The following GRB7 variants were observed in gnomAD, a reference collection of about 807,000 sequenced individuals.
The protein encoded by GRB7 is growth factor receptor bound protein 7, also known as growth factor receptor-bound protein 7.
In GRB7, 47 loss-of-function variants were observed where a neutral mutation model predicts 64.1. That is an observed-to-expected ratio of 0.73 (90% CI 0.58 to 0.94). The LOEUF is 0.94. Ranked by LOEUF, GRB7 falls within the 40% of genes least tolerant of loss-of-function variation. The pLI is 0.00. For missense variants in GRB7, 634 were observed against 718.4 expected (o/e 0.88, Z 1.34); for synonymous variants, 277 against 279.9 (o/e 0.99, Z 0.10).
intron 1 of GRB7, chr17:39,738,744 T>C: frequency 5.2e-6 from 3 of 582,482 alleles, no homozygotes; most frequent in Non-Finnish European, 8.5e-6. Context: ...AGTTTGGGTT[T>C]CCCCAAGTCT....
chr17:39,744,728 C>CT, intron 8 of GRB7, 65 bp downstream of exon 8: 1 of 1,427,572 alleles, frequency 7.0e-7, no homozygotes, highest in Non-Finnish European at 9.7e-7. Context: ...CCCCTGGATC[C>CT]TGCCCGGGGC....
chr17:39,744,314 G>A (rs2060024368), intron 7 of GRB7, 107 bp downstream of exon 7: 1 of 1,351,624 alleles, frequency 7.4e-7, no homozygotes. Flanking sequence ...GGGCCCCCCA[G>A]GCCAGCCACC....
intron 7 of GRB7, 50 bp from the exon 8 acceptor site, chr17:39,744,503 T>G (rs199688095): frequency 2.1e-6 from 3 of 1,445,824 alleles, no homozygotes; most frequent in Middle Eastern, 1.7e-4. Context: ...GGGGAGGTAA[T>G]AGTGGGCGGG....
intron 1 of GRB7, chr17:39,740,081 C>T (rs2059982147): frequency 7.1e-6 from 7 of 985,598 alleles, no homozygotes; most frequent in Non-Finnish European, 8.4e-6. Context: ...CTCTGCTCCT[C>T]TCCCCACCCC....
At chr17:39,746,311 C>G in intron 14 of GRB7, 109 bp downstream of exon 14, 1 of 852,630 alleles carries the variant, frequency 1.2e-6, no homozygotes, top group East Asian at 2.5e-5. Flanking sequence ...GTGCGTCTCC[C>G]TTTTCCCTGC....
intron 6 of GRB7, 120 bp from the exon 7 acceptor site, chr17:39,743,950 G>A (rs2060019836): frequency 7.7e-7 from 1 of 1,293,956 alleles, no homozygotes; most frequent in Non-Finnish European, 1.1e-6. Context: ...CTGTGATCGT[G>A]CCACCGCACT....
At chr17:39,745,819 G>A in intron 12 of GRB7, 31 bp downstream of exon 12, 1 of 1,613,726 alleles carries the variant, frequency 6.2e-7, no homozygotes, top group African/African-American at 1.3e-5. Flanking sequence ...CTGGGGCGGG[G>A]GCTGCCTCAA....
At position 39,738,931 on chromosome 17, in the gene GRB7, C is replaced by G. The variant is rs193171423; in HGVS notation, c.-51+798C>G. 2.0e-6 allele frequency: 3 copies of G among 1,529,496 alleles called. No individual in the cohort carries two copies. The African/African-American group carries it at 4.1e-5, about 21-fold the overall frequency. The allele number at this position is 1,529,496 out of a possible 1,614,324, so 94.7% of individuals were successfully genotyped here. A position where few individuals can be genotyped will look rare whatever the true frequency, so the allele number is the denominator to read the frequency against. ...ATGGGAAAGTGGAGGCCGGGTGAGA[C>G]GGGGTCCCTCCTGGCTTCAGCATGA... On this transcript the variant is annotated intron_variant, in intron 1 of 14. Transcript: ENST00000309156.
In GRB7 at chr17:39,744,177, C is replaced by A. The variant is rs767634775; in HGVS notation, c.771C>A (p.Gly257=). Reference sequence around the variant, plus strand: ...TTTTCTGCTTCTTGCGCCGATCTGGCCTCTATTACTCCACCAAGGGCACCT... The same window carrying A: ...TTTTCTGCTTCTTGCGCCGATCTGGACTCTATTACTCCACCAAGGGCACCT... The part of the protein sequence containing the change: ...KRFFCFLRRS[G]LYYSTKGTSK... Residue 257 remains glycine (G), a synonymous_variant, in exon 7 of 15, where the codon GGC becomes GGA. Coordinates refer to ENST00000309156, the MANE Select transcript of GRB7 (RefSeq NM_005310.5). The A allele has an allele frequency of 1.2e-6, 2 of 1,613,932 alleles. No individual in the cohort carries two copies. The highest frequency in any genetic ancestry group is 2.7e-5 in the African/African-American group (2 of 74,876).
At position 39,744,597 on chromosome 17, in the gene GRB7, C is replaced by T. The variant is rs765260276; in HGVS notation, c.846C>T (p.Asn282=). 70 of 1,612,066 alleles carry T rather than the reference C, an allele frequency of 4.3e-5. No homozygotes were observed. Among genetic ancestry groups the T allele is most frequent in the East Asian group, 4.0e-4 (18 of 44,740 alleles). Residue 282 remains asparagine (N), a synonymous_variant, in exon 8 of 15, where the codon AAC becomes AAT. Coordinates refer to ENST00000309156, the MANE Select transcript of GRB7 (RefSeq NM_005310.5). Reference sequence around the variant, plus strand: ...ACGTGGCAGATGTGAACGAGTCCAACGTGTACGTGGTGACGCAGGGCCGCA... The same window carrying T: ...ACGTGGCAGATGTGAACGAGTCCAATGTGTACGTGGTGACGCAGGGCCGCA... The part of the protein sequence containing the change: ...LQYVADVNES[N]VYVVTQGRKL...
Position 39,744,979 on chromosome 17 carries a change from T to A in GRB7, c.1006T>A (p.Phe336Ile). ...CTGCTGGCTGGCTGCCTTCCGCCTC[T>A]TCAAGGTGAGACCCTGGGAGTGGCA... ...RTCWLAAFRL[F>I]KYGVQLYKNY... is the part of the protein sequence containing the mutation. Residue 336 changes from phenylalanine to isoleucine, a missense_variant, in exon 9 of 15, where the codon TTC becomes ATC. Physicochemically the swap from Phe to Ile is conservative, Grantham distance 21 (BLOSUM62 0). Around this residue, in one of 2 missense-constraint regions of GRB7, gnomAD observed 467 missense variants for 576.6 expected, o/e 0.81. Transcript: ENST00000309156. 6.2e-7 allele frequency: 1 copy of A among 1,612,958 alleles called. No homozygotes were observed. The highest frequency in any genetic ancestry group is 2.2e-5 in the East Asian group (1 of 44,870).
At chr17:39,744,780 C>T in intron 8 of GRB7, 106 bp from the exon 9 acceptor site, 1 of 1,314,370 alleles carries the variant, frequency 7.6e-7, no homozygotes, top group Non-Finnish European at 1.1e-6. Context: ...TCTCCCTGCA[C>T]CCTGGCCTGC....
chr17:39,745,969 C>G lies in GRB7; in HGVS notation c.1327C>G (p.Arg443Gly). 3 of 1,614,050 alleles carry G rather than the reference C, an allele frequency of 1.9e-6. No homozygotes were observed. The highest frequency in any genetic ancestry group is 2.5e-6 in the Non-Finnish European group (3 of 1,179,950). Residue 443 changes from arginine to glycine, a missense_variant, in exon 13 of 15, where the codon CGG becomes GGG. Arg to Gly is a moderately radical substitution (Grantham distance 125). Transcript: ENST00000309156. Reference protein sequence around the residue: ...HGRISREESQRLIGQQGLVDG... With the variant: ...HGRISREESQGLIGQQGLVDG... ...GCGCATTTCCCGTGAGGAGAGCCAG[C>G]GGCTTATTGGACAGCAGGGCTTGGT...
At chr17:39,741,580 C>A (rs2059994296) in intron 1 of GRB7, among the ~76,000 whole-genome samples, 2 of 152,244 alleles carry the variant, frequency 1.3e-5, no homozygotes, top group Non-Finnish European at 2.9e-5. Flanking sequence ...GCAGTGAGTG[C>A]CCCACACGTG....
Position 39,744,572 on chromosome 17 carries a change from A to G in GRB7, c.821A>G (p.Tyr274Cys). 1 of 1,610,934 alleles carries G rather than the reference A, an allele frequency of 6.2e-7. No homozygotes were observed. The highest frequency in any genetic ancestry group is 1.3e-5 in the African/African-American group (1 of 74,938). The change falls in exon 8 of 15, where the codon TAC (tyrosine) becomes TGC (cysteine). Residue 274 changes from tyrosine (Y) to cysteine (C), a missense_variant. Around this residue, in one of 2 missense-constraint regions of GRB7, gnomAD observed 467 missense variants for 576.6 expected, o/e 0.81. Coordinates refer to ENST00000309156, the MANE Select transcript of GRB7 (RefSeq NM_005310.5). ...GTSKDPRHLQ[Y>C]VADVNESNVY... ...GCTTAGGATCCGAGGCACCTGCAGT[A>G]CGTGGCAGATGTGAACGAGTCCAAC...
At chr17:39,738,716 G>A in intron 1 of GRB7, 1 of 519,816 alleles carries the variant, frequency 1.9e-6, no homozygotes, top group Admixed American at 3.2e-5. Flanking sequence ...TCACTCTCTG[G>A]CTCGCCCAGT....
At chr17:39,740,145 G>A (rs951499642) in intron 1 of GRB7, 52 of 985,574 alleles carry the variant, frequency 5.3e-5, no homozygotes, top group Non-Finnish European at 6.0e-5. Context: ...CTGGAATGAA[G>A]TCACTGGGGC....
At chr17:39,739,026 G>A in intron 1 of GRB7, 2 of 1,029,908 alleles carry the variant, frequency 1.9e-6, no homozygotes, top group South Asian at 3.4e-5. Context: ...AGAGTGGGGT[G>A]GGGGATAGCA....
At position 39,745,988 on chromosome 17, in the gene GRB7, G is replaced by A; in HGVS notation, c.1346G>A (p.Gly449Asp). 2 of 1,614,052 alleles carry A rather than the reference G, an allele frequency of 1.2e-6. No homozygotes were observed. The highest frequency in any genetic ancestry group is 1.7e-6 in the Non-Finnish European group (2 of 1,179,936). Residue 449 changes from glycine (G) to aspartate (D), a missense_variant, in exon 13 of 15, where the codon GGC (glycine) becomes GAC (aspartate). By Grantham distance (94) the Gly-to-Asp change is moderately conservative. Coordinates refer to ENST00000309156, the MANE Select transcript of GRB7 (RefSeq NM_005310.5). ...EESQRLIGQQ[G>D]LVDGLFLVRE... ...AGCCAGCGGCTTATTGGACAGCAGG[G>A]CTTGGTAGACGGGTAAGGGGCAGGG...
Sources: gnomAD v4.1 joint callset for allele counts (sites outside exome capture counted in the v4.1 genomes callset) on GRCh38, gnomAD v4.1.1 for gene constraint, gnomAD v4.1.1 regional missense constraint, MANE v1.5 for transcripts, NCBI Gene and HGNC (gene_info 2026-07-23, HGNC 2026-07-21) for gene names.